Variants in MAP3K4 observed in about 807,000 individuals in gnomAD.
MAP3K4 encodes mitogen-activated protein kinase kinase kinase 4.
MAP3K4 carries 67 observed loss-of-function variants against 185.6 expected under a neutral mutation model. The observed-to-expected ratio is 0.36, with a 90% confidence interval of 0.30 to 0.44. MAP3K4 has a LOEUF of 0.44. Ranked by LOEUF, MAP3K4 falls within the 20% of genes least tolerant of loss-of-function variation. MAP3K4 has a pLI of 1.00. For missense variants in MAP3K4, 1,551 were observed against 1,995.1 expected (o/e 0.78, Z 4.24); for synonymous variants, 702 against 710.4 (o/e 0.99, Z 0.19).
At chr6:161,055,921 G>A (rs994473133) in intron 3 of MAP3K4, among the ~76,000 whole-genome samples, 1 of 152,194 alleles carries the variant, frequency 6.6e-6, no homozygotes, top group African/African-American at 2.4e-5. Flanking sequence ...CCTCCTGGAA[G>A]GGGGAGTATC....
intron 3 of MAP3K4, among the ~76,000 whole-genome samples, chr6:161,069,537 T>C (rs1784842794): frequency 6.6e-6 from 1 of 152,048 alleles, no homozygotes; most frequent in South Asian, 2.1e-4. Context: ...GGGTCTTCCA[T>C]AGCAGCTCAA....
At chr6:161,010,494 A>ACG (rs564944334) in intron 1 of MAP3K4, among the ~76,000 whole-genome samples, 1,209 of 31,790 alleles carry the variant, frequency 0.038, 14 homozygotes, top group African/African-American at 0.082. Flanking sequence ...TGTTTCTTTC[A>ACG]AATGTTTTTT....
intron 2 of MAP3K4, among the ~76,000 whole-genome samples, chr6:161,047,404 A>C (rs1783783273): frequency 1.3e-5 from 2 of 152,080 alleles, no homozygotes; most frequent in Admixed American, 1.3e-4. Context: ...TCAGAAAAAA[A>C]GAAAAATGTA....
intron 1 of MAP3K4, among the ~76,000 whole-genome samples, chr6:161,025,876 C>T (rs1782625811): frequency 6.6e-6 from 1 of 152,108 alleles, no homozygotes. Context: ...CCAGCTTTGA[C>T]AGTTTTTTAT....
intron 2 of MAP3K4, among the ~76,000 whole-genome samples, chr6:161,047,523 G>A (rs1783789874): frequency 6.6e-6 from 1 of 152,126 alleles, no homozygotes; most frequent in Non-Finnish European, 1.5e-5. Context: ...GTGTGTCCTA[G>A]ATTCAATGAA....
chr6:161,093,915 T>A lies in MAP3K4; in HGVS notation c.3427+64T>A. 3 of 1,214,436 alleles carry A rather than the reference T, an allele frequency of 2.5e-6. No homozygotes were observed. In the South Asian group the frequency reaches 3.8e-5, roughly 15 times the overall value. 75.2% of individuals were successfully genotyped at this position (1,214,436 alleles called of 1,614,324 possible). A position where few individuals can be genotyped will look rare whatever the true frequency, so the allele number is the denominator to read the frequency against. ...TGATTTGAGTGGACAGATCCTCTTG[T>A]AATTGCAGTCGTTTAAAATGGTATA... On this transcript the variant is annotated intron_variant, in intron 15 of 26. Transcript: ENST00000392142. The surrounding 1 kb of genome is among the most constrained non-coding windows in gnomAD (Gnocchi z 5.2).
chr6:161,024,022 A>T (rs1398774192), intron 1 of MAP3K4, among the ~76,000 whole-genome samples: 1 of 152,142 alleles, frequency 6.6e-6, no homozygotes, highest in Admixed American at 6.5e-5. Flanking sequence ...ACTGGAGTAC[A>T]GTGGTGTGAT....
chr6:161,034,048 TAGG>T lies in MAP3K4; in HGVS notation c.153-208_153-206del. The stretch of plus-strand genomic sequence containing the variant: ...CCCATGTGGTACTCCTTGTTCATGG[TAGG>T]AGAAGCGGCAGTCACAATTATTACT... On this transcript the variant is annotated intron_variant, in intron 1 of 26. Transcript: ENST00000392142. This position sits in a 1 kb window ranked among gnomAD's most constrained non-coding sequence, Gnocchi z 4.4. Among the ~76,000 whole-genome samples the T allele has an allele frequency of 6.6e-6, 1 of 152,318 alleles. No individual in the cohort carries two copies. The highest frequency in any genetic ancestry group is 1.9e-4 in the East Asian group (1 of 5,178).
rs766167051 is a variant in MAP3K4, at chr6:160,992,070, T to C, written c.139T>C (p.Cys47Arg). The change falls in exon 1 of 27, where the codon TGC (cysteine) becomes CGC (arginine). Residue 47 changes from cysteine to arginine, a missense_variant. Cys to Arg is a radical substitution (Grantham distance 180, BLOSUM62 -3). This residue lies in a region of MAP3K4 where 287 missense variants were observed against 268.8 expected (regional missense o/e 1.07). Transcript: ENST00000392142. ...EPETESEPEC[C>R]LAARQEGTLG... ...CGAGACCGAGTCAGAACCCGAGTGC[T>C]GCTTGGCGGCGAGGTGAGTGTGGCG... 9.9e-5 allele frequency: 157 copies of C among 1,578,074 alleles called. No homozygotes were observed. Among genetic ancestry groups the C allele is most frequent in the Non-Finnish European group, 1.3e-4 (150 of 1,167,832 alleles).
rs1420834915 is a variant in MAP3K4 at position 161,064,952 on chromosome 6, T to C, written c.1708-5656T>C. On this transcript the variant is annotated intron_variant, in intron 3 of 26. Transcript: ENST00000392142. The surrounding 1 kb of genome is among the most constrained non-coding windows in gnomAD (Gnocchi z 4.3). ...CCAAACAGGTTTCCCTCAGGAAGGT[T>C]TAATTGGTGGATTTAAAGCAAGCAG... is the stretch of plus-strand genomic sequence containing the variant. Among the ~76,000 whole-genome samples the C allele has an allele frequency of 6.6e-6, 1 of 152,026 alleles. No homozygotes were observed. The highest frequency in any genetic ancestry group is 6.6e-5 in the Admixed American group (1 of 15,266).
intron 1 of MAP3K4, among the ~76,000 whole-genome samples, chr6:161,015,599 C>T (rs192169893): frequency 7.2e-5 from 11 of 152,156 alleles, no homozygotes; most frequent in Middle Eastern, 3.4e-3. Context: ...CATCTGCTTC[C>T]GGTGAGGGCC....
intron 7 of MAP3K4, among the ~76,000 whole-genome samples, chr6:161,085,454 CG>C (rs1432274383): frequency 6.6e-5 from 10 of 152,122 alleles, no homozygotes; most frequent in Non-Finnish European, 1.0e-4. Context: ...ATATATCAGG[CG>C]TATAGCAACT....
rs869291208 is a variant in MAP3K4 at position 161,080,698 on chromosome 6, TA to T, written c.2098-177del. The T allele has an allele frequency of 9.1e-6, 5 of 552,030 alleles. No homozygotes were observed. The highest frequency in any genetic ancestry group is 3.1e-5 in the East Asian group (1 of 31,954). The allele number at this position is 552,030 out of a possible 1,614,324, so 34.2% of individuals were successfully genotyped here. On this transcript the variant is annotated intron_variant, in intron 5 of 26. Coordinates refer to ENST00000392142, the MANE Select transcript of MAP3K4 (RefSeq NM_005922.4). This position sits in a 1 kb window ranked among gnomAD's most constrained non-coding sequence, Gnocchi z 4.8. ...CTGGGGAGTTAGTTTTGTGATTTTT[TA>T]AAAAATCCTCATTTAGACCTCAGCT...
rs1170087564 is a variant in MAP3K4, at chr6:160,996,491, A to G, written c.152+4408A>G. ...TGTTGTAATAACTTCCTGTTATTTA[A>G]TAATTCCTCATTCCTCATGACTATG... On this transcript the variant is annotated intron_variant, in intron 1 of 26. Coordinates refer to ENST00000392142, the MANE Select transcript of MAP3K4 (RefSeq NM_005922.4). This position sits in a 1 kb window ranked among gnomAD's most constrained non-coding sequence, Gnocchi z 4.5. 6.6e-6 allele frequency among the ~76,000 whole-genome samples: 1 copy of G among 152,174 alleles called. No homozygotes were observed. Among genetic ancestry groups the G allele is most frequent in the Non-Finnish European group, 1.5e-5 (1 of 68,034 alleles).
In MAP3K4 at chr6:161,049,371, C is replaced by G. The variant is rs1376537540; in HGVS notation, c.1099C>G (p.Leu367Val). The G allele has an allele frequency of 6.2e-7, 1 of 1,614,164 alleles. No homozygotes were observed. The highest frequency in any genetic ancestry group is 2.2e-5 in the East Asian group (1 of 44,880). The change falls in exon 3 of 27, where the codon CTT becomes GTT. Residue 367 changes from leucine (L) to valine (V), a missense_variant. Leu to Val is a conservative substitution (Grantham distance 32, BLOSUM62 1). Transcript: ENST00000392142. This position sits in a 1 kb window ranked among gnomAD's most constrained non-coding sequence, Gnocchi z 8.4. ...IMELLEYIEALYPSLQALQKD... is the reference protein window; with the variant it reads ...IMELLEYIEAVYPSLQALQKD... ...GGAGCTGCTAGAGTACATAGAAGCACTTTATCCATCATTGCAGGCTCTTCA... is the reference window on the plus strand; with the variant it reads ...GGAGCTGCTAGAGTACATAGAAGCAGTTTATCCATCATTGCAGGCTCTTCA...
Position 160,991,832 on chromosome 6 carries a change from C to G in MAP3K4, c.-100C>G. On this transcript the variant is annotated 5_prime_UTR_variant, in exon 1 of 27. Coordinates refer to ENST00000392142, the MANE Select transcript of MAP3K4 (RefSeq NM_005922.4). The surrounding 1 kb of genome is among the most constrained non-coding windows in gnomAD (Gnocchi z 5.7). Reference sequence around the variant, plus strand: ...CACGGCTCCTGCGGCGGGGTAGAGGCGGAGGCGGAGTCGAGTCACTCCCGC... The same window carrying G: ...CACGGCTCCTGCGGCGGGGTAGAGGGGGAGGCGGAGTCGAGTCACTCCCGC... 3 of 1,308,208 alleles carry G rather than the reference C, an allele frequency of 2.3e-6. No homozygotes were observed. Among genetic ancestry groups the G allele is most frequent in the Non-Finnish European group, 3.0e-6 (3 of 1,012,958 alleles). 81.0% of individuals were successfully genotyped at this position (1,308,208 alleles called of 1,614,324 possible). A position where few individuals can be genotyped will look rare whatever the true frequency, so the allele number is the denominator to read the frequency against.
chr6:161,014,161 A>G (rs919171506), intron 1 of MAP3K4, among the ~76,000 whole-genome samples: 2 of 152,208 alleles, frequency 1.3e-5, no homozygotes, highest in Non-Finnish European at 2.9e-5. Flanking sequence ...CTCTTCCTTT[A>G]TGCAAAATGC....
At chr6:161,095,905 C>T (rs1777545691) in intron 15 of MAP3K4, among the ~76,000 whole-genome samples, 1 of 152,172 alleles carries the variant, frequency 6.6e-6, no homozygotes, top group Non-Finnish European at 1.5e-5. Flanking sequence ...AACATGTGCA[C>T]ATGGTTTTTT....
At chr6:161,028,714 A>C (rs1782786051) in intron 1 of MAP3K4, among the ~76,000 whole-genome samples, 1 of 152,182 alleles carries the variant, frequency 6.6e-6, no homozygotes, top group Non-Finnish European at 1.5e-5. Flanking sequence ...TTAAAAAACA[A>C]GTCTAAATGT....
Sources: gnomAD v4.1 joint callset for allele counts (sites outside exome capture counted in the v4.1 genomes callset) on GRCh38, gnomAD v4.1.1 for gene constraint, gnomAD v4.1.1 regional missense constraint, Gnocchi (gnomAD v3.1) non-coding constraint, MANE v1.5 for transcripts, NCBI Gene and HGNC (gene_info 2026-07-23, HGNC 2026-07-21) for gene names.